The following SYCP1 variants were observed in gnomAD, a reference collection of about 807,000 sequenced individuals.
The protein encoded by SYCP1 is synaptonemal complex protein 1.
Under a neutral mutation model 153.1 loss-of-function variants are expected in SYCP1, and 64 were observed. The ratio of observed to expected loss-of-function variants is 0.42; its 90% CI spans 0.34 to 0.51. The LOEUF (loss-of-function observed/expected upper bound fraction) is 0.51. Among genes scored for constraint, SYCP1 ranks in the 20% least tolerant of loss-of-function variants. The pLI is 0.06. For synonymous variants in SYCP1, 384 were observed against 341.8 expected (o/e 1.12, Z -1.36); for missense variants, 997 against 1,049.0 (o/e 0.95, Z 0.68).
chr1:114,860,133 A>G (rs1664275149), intron 7 of SYCP1, among the ~76,000 whole-genome samples: 1 of 152,180 alleles, frequency 6.6e-6, no homozygotes, highest in Non-Finnish European at 1.5e-5. Flanking sequence ...TGAGTACAGT[A>G]CTTATAAAAC....
chr1:114,910,274 C>G, intron 16 of SYCP1, 123 bp from the exon 17 acceptor site: 1 of 597,410 alleles, frequency 1.7e-6, no homozygotes, highest in Non-Finnish European at 2.9e-6. Flanking sequence ...CTAATTTTCT[C>G]TTTTTAAAGA....
Position 114,984,841 on chromosome 1 carries a change from A to C in SYCP1, c.2676A>C (p.Ser892=), listed in dbSNP as rs754796779. ...RKMAFEFDIN[S]DSSETTDLLS... ...TGGCCTTTGAATTTGATATTAATTC[A>C]GATAGTTCAGAAACTACTGATCTTT... is the stretch of plus-strand genomic sequence containing the variant. Residue 892 remains serine, a synonymous_variant, in exon 30 of 32, where the codon TCA becomes TCC. Coordinates refer to ENST00000369522, the MANE Select transcript of SYCP1 (RefSeq NM_003176.4). The C allele has an allele frequency of 1.4e-6, 2 of 1,460,308 alleles. No individual in the cohort carries two copies. Among genetic ancestry groups the C allele is most frequent in the Admixed American group, 2.3e-5 (1 of 43,156 alleles). The allele number at this position is 1,460,308 out of a possible 1,614,324, so 90.5% of individuals were successfully genotyped here.
At chr1:114,994,282 T>A (rs1162214589) in intron 30 of SYCP1, among the ~76,000 whole-genome samples, 1 of 151,414 alleles carries the variant, frequency 6.6e-6, no homozygotes, top group Non-Finnish European at 1.5e-5. Flanking sequence ...TAAGTTTTTT[T>A]AGAATTATAA....
intron 20 of SYCP1, among the ~76,000 whole-genome samples, chr1:114,918,572 G>A (rs1040940698): frequency 6.6e-6 from 1 of 152,044 alleles, no homozygotes; most frequent in East Asian, 1.9e-4. Flanking sequence ...TCTGTAGACT[G>A]CTTTGGGTAG....
Position 114,875,559 on chromosome 1 carries a change from G to A in SYCP1, c.658-510G>A, listed in dbSNP as rs182688042. 6.0e-4 allele frequency among the ~76,000 whole-genome samples: 92 copies of A among 152,148 alleles called. 1 individual carries two copies. The highest frequency in any genetic ancestry group is 1.9e-3 in the African/African-American group (80 of 41,522). On this transcript the variant is annotated intron_variant, in intron 9 of 31. Coordinates refer to ENST00000369522, the MANE Select transcript of SYCP1 (RefSeq NM_003176.4). ...GAGGCGTGAGCCCCCGCGCCCGGCC[G>A]AGACTTTGTCTTCTATTCCTATTAC...
At chr1:114,896,855 G>A (rs557950841) in intron 16 of SYCP1, among the ~76,000 whole-genome samples, 6 of 152,220 alleles carry the variant, frequency 3.9e-5, no homozygotes, top group Non-Finnish European at 8.8e-5. Context: ...TAGGCTCGCA[G>A]ACATTTTGAA....
chr1:114,944,401 C>T lies in SYCP1; in HGVS notation c.1989C>T (p.Thr663=), dbSNP rs749793850. 6.2e-6 allele frequency: 10 copies of T among 1,604,784 alleles called. No individual in the cohort carries two copies. Among genetic ancestry groups the T allele is most frequent in the Non-Finnish European group, 8.5e-7 (1 of 1,176,086 alleles). ...AGAAATTTGGAGAAATCACAGACAC[C>T]TATCAGAAAGAAATTGAGGACAAAA... is the stretch of plus-strand genomic sequence containing the variant. The part of the protein sequence containing the change: ...AKQKFGEITD[T]YQKEIEDKKI... The change falls in exon 24 of 32, where the codon ACC becomes ACT. Residue 663 remains threonine (T), a synonymous_variant. Coordinates refer to ENST00000369522, the MANE Select transcript of SYCP1 (RefSeq NM_003176.4).
At chr1:114,855,683 CT>C in intron 2 of SYCP1, 111 bp downstream of exon 2, 5 of 805,060 alleles carry the variant, frequency 6.2e-6, no homozygotes, top group Non-Finnish European at 7.7e-6. Context: ...AATAAATGGT[CT>C]CATTTACCCA....
intron 23 of SYCP1, among the ~76,000 whole-genome samples, chr1:114,935,690 A>G (rs1248787532): frequency 6.6e-6 from 1 of 152,228 alleles, no homozygotes; most frequent in Non-Finnish European, 1.5e-5. Context: ...GAAAAGAATC[A>G]AATAGATGCA....
At chr1:114,896,601 A>G (rs1667073009) in intron 16 of SYCP1, among the ~76,000 whole-genome samples, 1 of 152,204 alleles carries the variant, frequency 6.6e-6, no homozygotes, top group Non-Finnish European at 1.5e-5. Context: ...GGTGCTCAAT[A>G]AATAAATAGT....
At chr1:114,954,775 T>A (rs1471059164) in intron 27 of SYCP1, among the ~76,000 whole-genome samples, 12 of 152,044 alleles carry the variant, frequency 7.9e-5, no homozygotes. Flanking sequence ...GAGACGGAGT[T>A]TCACCATGTT....
intron 12 of SYCP1, among the ~76,000 whole-genome samples, chr1:114,881,133 A>T (rs360640): frequency 0.35 from 53,644 of 151,200 alleles, 10,532 homozygotes; most frequent in East Asian, 0.5. Flanking sequence ...ACACTGGTTG[A>T]TTCCATATTG....
chr1:114,947,811 C>CAAAAAAAAAA (rs1174716918), intron 27 of SYCP1, among the ~76,000 whole-genome samples: 3 of 43,880 alleles, frequency 6.8e-5, no homozygotes, highest in Non-Finnish European at 1.1e-4. Flanking sequence ...GACTCCGTCT[C>CAAAAAAAAAA]AAAAAAAAAA....
At position 114,875,073 on chromosome 1, in the gene SYCP1, C is replaced by G. The variant is rs370465066; in HGVS notation, c.657+509C>G. On this transcript the variant is annotated intron_variant, in intron 9 of 31. Transcript: ENST00000369522. ...TCATTCTGCTTTTTTGTTATTCTCC[C>G]CTTAATACTTTATCTAAAATTTCTA... Among the ~76,000 whole-genome samples, 5 of 152,008 alleles carry G rather than the reference C, an allele frequency of 3.3e-5. No individual in the cohort carries two copies. The East Asian group carries it at 9.7e-4, about 29-fold the overall frequency.
intron 8 of SYCP1, among the ~76,000 whole-genome samples, chr1:114,862,642 G>T (rs1384053804): frequency 2.0e-5 from 3 of 152,132 alleles, no homozygotes; most frequent in Non-Finnish European, 2.9e-5. Flanking sequence ...CTGGGCGATA[G>T]TTCTTTCTTA....
intron 28 of SYCP1, among the ~76,000 whole-genome samples, chr1:114,981,102 T>TA (rs1673124251): frequency 6.6e-6 from 1 of 151,970 alleles, no homozygotes. Context: ...TTTGTTTTCA[T>TA]AGAGGCTCTG....
intron 7 of SYCP1, 35 bp from the exon 8 acceptor site, chr1:114,860,701 G>C (rs1664310709): frequency 6.8e-7 from 1 of 1,477,408 alleles, no homozygotes; most frequent in Non-Finnish European, 9.3e-7. Flanking sequence ...TTTGAGATCA[G>C]ATTACACACA....
At chr1:114,895,602 T>G in intron 16 of SYCP1, 93 bp downstream of exon 16, 1 of 608,390 alleles carries the variant, frequency 1.6e-6, no homozygotes. Flanking sequence ...ATAGATGTTT[T>G]ATACTAATTT....
intron 16 of SYCP1, among the ~76,000 whole-genome samples, chr1:114,906,181 G>T (rs1258640299): frequency 6.6e-6 from 1 of 151,936 alleles, no homozygotes; most frequent in African/African-American, 2.4e-5. Flanking sequence ...TGGCCAGGCT[G>T]GTCTCGAACT....
Sources: allele counts gnomAD v4.1 joint callset (sites outside exome capture counted in the v4.1 genomes callset), GRCh38; gene constraint gnomAD v4.1.1; transcripts MANE v1.5; gene names NCBI Gene and HGNC (gene_info 2026-07-23, HGNC 2026-07-21).